Variants in HHAT observed in about 807,000 individuals in gnomAD.
HHAT encodes the protein hedgehog acyltransferase.
HHAT carries 47 observed loss-of-function variants against 70.8 expected under a neutral mutation model. That is an observed-to-expected ratio of 0.66 (90% CI 0.53 to 0.85). The LOEUF (loss-of-function observed/expected upper bound fraction) is 0.85, where lower values mean the gene tolerates loss of function less well. Among genes scored for constraint, HHAT ranks in the 40% least tolerant of loss-of-function variants. The pLI, the probability that HHAT is intolerant of heterozygous loss-of-function variation, is 0.00. For synonymous variants in HHAT, 228 were observed against 247.6 expected (o/e 0.92, Z 0.74); for missense variants, 609 against 604.8 (o/e 1.01, Z -0.07).
rs116640099 is a variant in HHAT at position 210,341,847 on chromosome 1, T to C, written c.-43-7086T>C. ...AACCTTGGGGTGTTTGTACCCAATT[T>C]GGAGGTGGAGAAAGCTCCCTATTCC... On this transcript the variant is annotated intron_variant, in intron 1 of 11. Transcript: ENST00000261458. Among the ~76,000 whole-genome samples the C allele has an allele frequency of 5.6e-3, 855 of 152,310 alleles. 12 individuals carry two copies. Among genetic ancestry groups the C allele is most frequent in the African/African-American group, 0.02 (827 of 41,568 alleles).
intron 4 of HHAT, among the ~76,000 whole-genome samples, chr1:210,398,060 G>T (rs1036103472): frequency 1.7e-4 from 26 of 152,222 alleles, no homozygotes; most frequent in African/African-American, 6.3e-4. Flanking sequence ...GCGCAATGGC[G>T]CGATCTTGGC....
At chr1:210,411,173 T>A (rs755844345) in intron 6 of HHAT, among the ~76,000 whole-genome samples, 3 of 152,182 alleles carry the variant, frequency 2.0e-5, no homozygotes, top group Non-Finnish European at 4.4e-5. Context: ...CTTGATTATC[T>A]TGGGGGCTGT....
At chr1:210,345,473 A>C (rs1571750646) in intron 1 of HHAT, among the ~76,000 whole-genome samples, 1 of 152,130 alleles carries the variant, frequency 6.6e-6, no homozygotes. Flanking sequence ...CCTTGGTTTA[A>C]CCGACCACCA....
chr1:210,496,469 G>A (rs1245665349), intron 8 of HHAT, among the ~76,000 whole-genome samples: 1 of 152,184 alleles, frequency 6.6e-6, no homozygotes, highest in African/African-American at 2.4e-5. Context: ...CACATCTAGC[G>A]ATCCTGTTAC....
intron 8 of HHAT, among the ~76,000 whole-genome samples, chr1:210,480,043 T>C (rs2094369069): frequency 1.3e-5 from 2 of 152,202 alleles, no homozygotes; most frequent in Non-Finnish European, 2.9e-5. Flanking sequence ...TCTTTCTGTA[T>C]AAATTAAGGT....
intron 9 of HHAT, among the ~76,000 whole-genome samples, chr1:210,522,599 C>T (rs1352267968): frequency 6.6e-6 from 1 of 152,176 alleles, no homozygotes. Flanking sequence ...TCTCTCACAT[C>T]CACCCCTTCC....
chr1:210,491,444 G>A (rs1039848776), intron 8 of HHAT, among the ~76,000 whole-genome samples: 5 of 152,188 alleles, frequency 3.3e-5, no homozygotes, highest in East Asian at 1.9e-4. Flanking sequence ...ACTTTGAGCC[G>A]TGAAACTGTG....
Position 210,512,682 on chromosome 1 carries a change from A to C in HHAT, c.1008-471A>C, listed in dbSNP as rs543682366. 2.9e-3 allele frequency among the ~76,000 whole-genome samples: 447 copies of C among 151,928 alleles called. 1 individual carries two copies. The highest frequency in any genetic ancestry group is 0.01 in the African/African-American group (431 of 41,418). On this transcript the variant is annotated intron_variant, in intron 8 of 11. Transcript: ENST00000261458. ...GAAGACCTTGTCTCAAAAAAAAAAA[A>C]AAAAAAAACCCATATATATGTGTGT...
intron 8 of HHAT, among the ~76,000 whole-genome samples, chr1:210,494,260 A>T (rs889481361): frequency 1.3e-5 from 2 of 152,168 alleles, no homozygotes; most frequent in Admixed American, 6.6e-5. Context: ...TTAAAGGATC[A>T]TTCTGGCTGC....
intron 11 of HHAT, among the ~76,000 whole-genome samples, chr1:210,625,168 A>G (rs1669596963): frequency 6.6e-6 from 1 of 152,218 alleles, no homozygotes; most frequent in Non-Finnish European, 1.5e-5. Flanking sequence ...ATAGTTCCTG[A>G]AAAGACCACG....
chr1:210,475,715 T>C (rs1348007962), intron 8 of HHAT, among the ~76,000 whole-genome samples: 4 of 152,256 alleles, frequency 2.6e-5, no homozygotes. Flanking sequence ...GGAAGCCTTG[T>C]GGCCCAGCCC....
At chr1:210,621,187 T>G (rs1157862610) in intron 10 of HHAT, among the ~76,000 whole-genome samples, 1 of 152,064 alleles carries the variant, frequency 6.6e-6, no homozygotes, top group African/African-American at 2.4e-5. Flanking sequence ...ATTTAATACT[T>G]GTAATCACTT....
chr1:210,469,699 C>T lies in HHAT; in HGVS notation c.1007+5044C>T, dbSNP rs577331331. ...TGGTTTTATTTATGAGACAGTGTCT[C>T]GCTCTGTCACCCAGGCTGGAATGCA... On this transcript the variant is annotated intron_variant, in intron 8 of 11. Coordinates refer to ENST00000261458, the MANE Select transcript of HHAT (RefSeq NM_018194.6). Among the ~76,000 whole-genome samples, 26 of 152,168 alleles carry T rather than the reference C, an allele frequency of 1.7e-4. No individual in the cohort carries two copies. The South Asian group carries it at 4.0e-3, about 23-fold the overall frequency.
At chr1:210,340,417 T>C (rs1240607577) in intron 1 of HHAT, among the ~76,000 whole-genome samples, 1 of 152,168 alleles carries the variant, frequency 6.6e-6, no homozygotes, top group Non-Finnish European at 1.5e-5. Context: ...CATACCACTT[T>C]TTCCGAATAT....
chr1:210,607,220 G>A (rs1031116341), intron 10 of HHAT, among the ~76,000 whole-genome samples: 7 of 151,858 alleles, frequency 4.6e-5, no homozygotes, highest in Non-Finnish European at 7.4e-5. Flanking sequence ...TAGTATTTGG[G>A]TATCTCAAAT....
At chr1:210,548,962 G>T (rs2095506099) in intron 9 of HHAT, among the ~76,000 whole-genome samples, 1 of 152,230 alleles carries the variant, frequency 6.6e-6, no homozygotes, top group African/African-American at 2.4e-5. Flanking sequence ...CATGGGTTCA[G>T]CCAGGGCAGG....
At chr1:210,567,972 CTT>C (rs1016589387) in intron 9 of HHAT, among the ~76,000 whole-genome samples, 1 of 152,196 alleles carries the variant, frequency 6.6e-6, no homozygotes, top group Non-Finnish European at 1.5e-5. Context: ...AGTTATGTGT[CTT>C]TTTGAATGTT....
rs1337149075 is a variant in HHAT at position 210,362,926 on chromosome 1, A to C, written c.159+7A>C. ...ATTTGGAGGATTAAAGAAGGTACAA[A>C]GTGGATGCATAATAAATCTCAGTTT... is the stretch of plus-strand genomic sequence containing the variant. On this transcript the variant is annotated splice_region_variant and intron_variant, in intron 3 of 11. Coordinates refer to ENST00000261458, the MANE Select transcript of HHAT (RefSeq NM_018194.6). The C allele has an allele frequency of 6.3e-7, 1 of 1,595,702 alleles. No homozygotes were observed. Among genetic ancestry groups the C allele is most frequent in the Admixed American group, 1.7e-5 (1 of 59,980 alleles).
intron 8 of HHAT, among the ~76,000 whole-genome samples, chr1:210,477,724 G>T (rs546948172): frequency 2.1e-4 from 32 of 152,280 alleles, no homozygotes; most frequent in Non-Finnish European, 3.1e-4. Context: ...TACAGGTGGC[G>T]CCTGGGTTGT....
Sources: allele counts gnomAD v4.1 joint callset (sites outside exome capture counted in the v4.1 genomes callset), GRCh38; gene constraint gnomAD v4.1.1; transcripts MANE v1.5; gene names NCBI Gene and HGNC (gene_info 2026-07-23, HGNC 2026-07-21).